Variants in RALGAPA1 observed in about 807,000 individuals in gnomAD.
The protein encoded by RALGAPA1 is ral GTPase-activating protein subunit alpha-1.
RALGAPA1 carries 52 observed loss-of-function variants against 269.6 expected under a neutral mutation model. The observed-to-expected ratio is 0.19, with a 90% CI of 0.15 to 0.24. The LOEUF is 0.24. Among genes scored for constraint, RALGAPA1 ranks in the 10% least tolerant of loss-of-function variants. The pLI, the probability that RALGAPA1 is intolerant of heterozygous loss-of-function variation, is 1.00. For synonymous variants in RALGAPA1, 817 were observed against 1,008.3 expected (o/e 0.81, Z 3.60); for missense variants, 1,917 against 3,013.9 (o/e 0.64, Z 8.52).
At chr14:35,725,720 G>A (rs1420140812) in intron 13 of RALGAPA1, among the ~76,000 whole-genome samples, 1 of 151,650 alleles carries the variant, frequency 6.6e-6, no homozygotes, top group Admixed American at 6.6e-5. Flanking sequence ...AAAAAAATTA[G>A]CTGGGTGTGG....
At position 35,570,079 on chromosome 14, in the gene RALGAPA1, G is replaced by A. The variant is rs143878975; in HGVS notation, c.7496+538C>T. On this transcript the variant is annotated intron_variant, in intron 39 of 41. Coordinates refer to ENST00000680220, the MANE Select transcript of RALGAPA1 (RefSeq NM_001346249.2). The stretch of plus-strand genomic sequence containing the variant: ...GAGGTCAGGAGTTCGAGACCAGCCT[G>A]GCCAACATGGTAAAACCCTGTCTCT... Among the ~76,000 whole-genome samples the A allele has an allele frequency of 7.2e-3, 1,091 of 151,848 alleles. 6 individuals are homozygous for A. The highest frequency in any genetic ancestry group is 0.014 in the Middle Eastern group (4 of 294).
intron 17 of RALGAPA1, among the ~76,000 whole-genome samples, chr14:35,699,211 A>G (rs1374179512): frequency 1.3e-5 from 2 of 152,228 alleles, no homozygotes; most frequent in Admixed American, 6.5e-5. Context: ...TCTTTGAGCT[A>G]GCACAGTATG....
At chr14:35,671,601 C>T (rs948798837) in intron 25 of RALGAPA1, 84 bp from the exon 26 acceptor site, 4 of 645,598 alleles carry the variant, frequency 6.2e-6, no homozygotes, top group Non-Finnish European at 1.1e-5. Context: ...AAATAGATAA[C>T]ATATGAAATA....
rs78198198 is a variant in RALGAPA1, at chr14:35,799,432, C to T, written c.106+9298G>A. On this transcript the variant is annotated intron_variant, in intron 1 of 41. Coordinates refer to ENST00000680220, the MANE Select transcript of RALGAPA1 (RefSeq NM_001346249.2). ...CAAAAATAAGCTGGGCGTGGCAATG[C>T]GTGCCTGTAATCCCAGCTACTTGGG... Among the ~76,000 whole-genome samples, 508 of 151,962 alleles carry T rather than the reference C, an allele frequency of 3.3e-3. 3 individuals are homozygous for T. Among genetic ancestry groups the T allele is most frequent in the African/African-American group, 0.011 (475 of 41,446 alleles).
At chr14:35,748,049 A>T (rs2072289422) in intron 10 of RALGAPA1, among the ~76,000 whole-genome samples, 1 of 152,126 alleles carries the variant, frequency 6.6e-6, no homozygotes. Flanking sequence ...AGAGTGGAAG[A>T]TAAAATAATT....
At chr14:35,741,484 A>G (rs1380634762) in intron 11 of RALGAPA1, among the ~76,000 whole-genome samples, 3 of 152,116 alleles carry the variant, frequency 2.0e-5, no homozygotes, top group African/African-American at 7.2e-5. Context: ...ACACACACAC[A>G]CACGCTCAGG....
intron 3 of RALGAPA1, among the ~76,000 whole-genome samples, 192 bp from the exon 4 acceptor site, chr14:35,771,191 C>T (rs955097151): frequency 4.6e-5 from 7 of 151,944 alleles, no homozygotes; most frequent in Non-Finnish European, 1.0e-4. Flanking sequence ...GTCAGGAGTT[C>T]GAGACCAGCC....
intron 26 of RALGAPA1, among the ~76,000 whole-genome samples, chr14:35,669,103 A>G (rs1371172260): frequency 6.6e-6 from 1 of 151,896 alleles, no homozygotes; most frequent in East Asian, 1.9e-4. Flanking sequence ...TTTCCATGAA[A>G]CCTCCATGAT....
chr14:35,713,967 C>T (rs999768544), intron 16 of RALGAPA1, among the ~76,000 whole-genome samples: 2 of 151,874 alleles, frequency 1.3e-5, no homozygotes, highest in East Asian at 1.9e-4. Flanking sequence ...TGGTGGCAGG[C>T]GCCTGTAATC....
intron 38 of RALGAPA1, among the ~76,000 whole-genome samples, chr14:35,571,878 A>T (rs1336468716): frequency 1.3e-5 from 2 of 152,192 alleles, no homozygotes; most frequent in African/African-American, 4.8e-5. Flanking sequence ...ACACATAAGA[A>T]ATTCATACAT....
At chr14:35,652,902 A>G (rs1213141629) in intron 30 of RALGAPA1, among the ~76,000 whole-genome samples, 1 of 152,168 alleles carries the variant, frequency 6.6e-6, no homozygotes. Context: ...ATAGGTATAT[A>G]TTTATTGTAT....
chr14:35,799,136 G>C (rs776397031), intron 1 of RALGAPA1, among the ~76,000 whole-genome samples: 1 of 152,138 alleles, frequency 6.6e-6, no homozygotes, highest in East Asian at 1.9e-4. Context: ...CTGATAACAT[G>C]ATAAGTAAAA....
chr14:35,763,512 C>A (rs2073892758), intron 4 of RALGAPA1, among the ~76,000 whole-genome samples: 1 of 151,932 alleles, frequency 6.6e-6, no homozygotes, highest in Admixed American at 6.6e-5. Flanking sequence ...TCATATAACT[C>A]ATTTATTTTT....
chr14:35,678,072 G>A lies in RALGAPA1; in HGVS notation c.4502C>T (p.Pro1501Leu), dbSNP rs1205719630. The change falls in exon 22 of 42, where the codon CCT becomes CTT. Residue 1501 changes from proline (P) to leucine (L), a missense_variant. Transcript: ENST00000680220. ...GSESASPVHS[P>L]LGSRSQTPSP... ...AGGAGTCTGTGACCTGGAGCCCAGA[G>A]GTGAGTGGACTGGGGAAGCACTTTC... 3 of 1,608,648 alleles carry A rather than the reference G, an allele frequency of 1.9e-6. No homozygotes were observed. The African/African-American group carries it at 4.0e-5, about 22-fold the overall frequency.
intron 1 of RALGAPA1, among the ~76,000 whole-genome samples, chr14:35,787,166 T>C (rs1467807094): frequency 6.6e-6 from 1 of 152,226 alleles, no homozygotes. Context: ...ACCCAAAATT[T>C]AGCAAAGCAC....
intron 35 of RALGAPA1, among the ~76,000 whole-genome samples, chr14:35,613,905 T>C (rs11629127): frequency 0.084 from 12,712 of 152,106 alleles, 767 homozygotes; most frequent in East Asian, 0.31. Flanking sequence ...TCAATTATCA[T>C]AGCAATGAAA....
At chr14:35,715,824 C>A (rs2068768853) in intron 16 of RALGAPA1, 1 of 985,294 alleles carries the variant, frequency 1.0e-6, no homozygotes, top group Non-Finnish European at 1.2e-6. Flanking sequence ...TGATTATCAG[C>A]AATTTGCTTC....
At chr14:35,652,839 AC>A (rs2140023490) in intron 30 of RALGAPA1, among the ~76,000 whole-genome samples, 1 of 152,316 alleles carries the variant, frequency 6.6e-6, no homozygotes, top group East Asian at 1.9e-4. Flanking sequence ...GTTATCATTT[AC>A]CCTGGAAATC....
At chr14:35,766,898 T>A in intron 4 of RALGAPA1, 1 of 428,252 alleles carries the variant, frequency 2.3e-6, no homozygotes, top group Non-Finnish European at 4.6e-6. Context: ...GGCAGGACTG[T>A]CAGCAGTGAG....
Sources: allele counts gnomAD v4.1 joint callset (sites outside exome capture counted in the v4.1 genomes callset), GRCh38; gene constraint gnomAD v4.1.1; transcripts MANE v1.5; gene names NCBI Gene and HGNC (gene_info 2026-07-23, HGNC 2026-07-21).